The following COL5A2 variants were observed in gnomAD, a reference collection of about 807,000 sequenced individuals.
COL5A2 encodes the protein collagen alpha-2(V) chain.
Under a neutral mutation model 208.2 loss-of-function variants are expected in COL5A2, and 23 were observed. The ratio of observed to expected loss-of-function variants is 0.11; its 90% CI spans 0.08 to 0.16. COL5A2 has a LOEUF of 0.16. Among genes scored for constraint, COL5A2 ranks in the 10% least tolerant of loss-of-function variants. The pLI is 1.00. For synonymous variants in COL5A2, 625 were observed against 628.5 expected (o/e 0.99, Z 0.08); for missense variants, 1,590 against 1,956.4 (o/e 0.81, Z 3.53).
At chr2:189,270,052 T>A in the COL5A2 span, among the ~76,000 whole-genome samples, 1 of 152,186 alleles carries the variant, frequency 6.6e-6, no homozygotes, top group Non-Finnish European at 1.5e-5. Flanking sequence ...CTGATGGTAG[T>A]TTGTATTTCT....
At chr2:189,228,118 T>C (rs550875143), upstream of COL5A2, among the ~76,000 whole-genome samples, 3 of 151,826 alleles carry the variant, frequency 2.0e-5, no homozygotes, top group South Asian at 4.2e-4. Flanking sequence ...TTGAGACATA[T>C]AAAAATGAAA....
At chr2:189,055,882 AG>A (rs1685890880) in intron 35 of COL5A2, among the ~76,000 whole-genome samples, 1 of 152,238 alleles carries the variant, frequency 6.6e-6, no homozygotes, top group Non-Finnish European at 1.5e-5. Context: ...TCCTATAAAT[AG>A]TACTGCACTA....
the COL5A2 span, among the ~76,000 whole-genome samples, chr2:189,299,136 T>C: frequency 6.6e-6 from 1 of 152,190 alleles, no homozygotes; most frequent in East Asian, 1.9e-4. Context: ...CCCACAGTTA[T>C]TTGCATACAA....
At chr2:189,042,652 A>T in intron 49 of COL5A2, 68 bp downstream of exon 49, 1 of 1,446,906 alleles carries the variant, frequency 6.9e-7, no homozygotes, top group Non-Finnish European at 9.6e-7. Flanking sequence ...ACGATACTCA[A>T]GCATTAGCAG....
chr2:189,049,415 C>T lies in COL5A2; in HGVS notation c.3079G>A (p.Asp1027Asn), dbSNP rs1685736653. ...GKVGPTGATG[D>N]KGPPGPVGPP... is the part of the protein sequence containing the mutation. ...CCCACAGGTCCAGGTGGACCTTTAT[C>T]TCCTGTTGCACCAGTTGGTCCTACT... The change falls in exon 44 of 54, where the codon GAT becomes AAT. Residue 1027 changes from aspartate to asparagine, a missense_variant. Transcript: ENST00000374866. The T allele has an allele frequency of 6.2e-7, 1 of 1,613,670 alleles. No individual in the cohort carries two copies. The highest frequency in any genetic ancestry group is 1.3e-5 in the African/African-American group (1 of 75,052).
intron 46 of COL5A2, among the ~76,000 whole-genome samples, chr2:189,045,488 T>C (rs1420757358): frequency 1.3e-5 from 2 of 152,186 alleles, no homozygotes; most frequent in Non-Finnish European, 2.9e-5. Context: ...TGAATAAGTA[T>C]CACCTTAGTT....
At chr2:189,242,014 T>C in the COL5A2 span, among the ~76,000 whole-genome samples, 2 of 152,226 alleles carry the variant, frequency 1.3e-5, no homozygotes, top group South Asian at 4.1e-4. Flanking sequence ...ATCTGAAAAG[T>C]GCATGCTTGA....
the COL5A2 span, among the ~76,000 whole-genome samples, chr2:189,411,957 G>A: frequency 6.6e-6 from 1 of 152,170 alleles, no homozygotes; most frequent in African/African-American, 2.4e-5. Flanking sequence ...CTTTTCTATG[G>A]AAAGGGGCTT....
chr2:189,243,943 T>C, the COL5A2 span, among the ~76,000 whole-genome samples: 1 of 152,206 alleles, frequency 6.6e-6, no homozygotes, highest in Admixed American at 6.5e-5. Context: ...GCTTGCACCC[T>C]CTGAAGCCAC....
chr2:189,324,164 A>C, the COL5A2 span, among the ~76,000 whole-genome samples: 1 of 152,322 alleles, frequency 6.6e-6, no homozygotes, highest in South Asian at 2.1e-4. Flanking sequence ...CTTATACAAA[A>C]ATTCATTCAA....
chr2:189,406,252 A>G, the COL5A2 span, among the ~76,000 whole-genome samples: 2 of 152,166 alleles, frequency 1.3e-5, no homozygotes, highest in Non-Finnish European at 2.9e-5. Context: ...ATACTGCTGA[A>G]AACTTGAAAT....
the COL5A2 span, among the ~76,000 whole-genome samples, chr2:189,327,416 G>A: frequency 2.0e-5 from 3 of 152,128 alleles, no homozygotes; most frequent in South Asian, 6.2e-4. Context: ...GGAAAAGGGG[G>A]AGAAAGAAGA....
At chr2:189,047,498 A>T (rs546246364) in intron 45 of COL5A2, among the ~76,000 whole-genome samples, 1 of 152,308 alleles carries the variant, frequency 6.6e-6, no homozygotes, top group East Asian at 1.9e-4. Context: ...TGGCATATGT[A>T]TTAATTATAT....
At chr2:189,293,798 C>G in the COL5A2 span, among the ~76,000 whole-genome samples, 1 of 152,030 alleles carries the variant, frequency 6.6e-6, no homozygotes, top group Non-Finnish European at 1.5e-5. Context: ...TAAAAGCAAC[C>G]CAGAGGGCCA....
chr2:189,048,229 C>A lies in COL5A2; in HGVS notation c.3181G>T (p.Asp1061Tyr). The A allele has an allele frequency of 6.2e-7, 1 of 1,614,040 alleles. No homozygotes were observed. The highest frequency in any genetic ancestry group is 8.5e-7 in the Non-Finnish European group (1 of 1,179,946). The part of the protein sequence containing the change: ...PAGNDGTPGR[D>Y]GAVGERGDRG... ...CTTACACGTTCTCCAACAGCACCAT[C>A]CCGTCCTGGGGTACCATCATTGCCA... The change falls in exon 45 of 54, where the codon GAT becomes TAT. Residue 1061 changes from aspartate to tyrosine, a missense_variant. Asp to Tyr is a radical substitution (Grantham distance 160). Transcript: ENST00000374866.
At chr2:189,265,872 G>A in the COL5A2 span, among the ~76,000 whole-genome samples, 1 of 152,126 alleles carries the variant, frequency 6.6e-6, no homozygotes, top group South Asian at 2.1e-4. Flanking sequence ...CTGCTAGAAG[G>A]AATGTAAAAT....
chr2:189,071,921 G>T, intron 18 of COL5A2, 119 bp downstream of exon 18: 6 of 677,262 alleles, frequency 8.9e-6, no homozygotes, highest in South Asian at 1.9e-5. Context: ...CATACTCTAG[G>T]CTCTTTCCTT....
At chr2:189,062,722 A>G in intron 29 of COL5A2, 143 bp downstream of exon 29, 1 of 850,954 alleles carries the variant, frequency 1.2e-6, no homozygotes. Flanking sequence ...TCAAAAGAGA[A>G]GGTATAACAG....
the COL5A2 span, among the ~76,000 whole-genome samples, chr2:189,365,520 C>T: frequency 4.2e-4 from 64 of 152,330 alleles, no homozygotes; most frequent in African/African-American, 1.5e-3. Context: ...GTTCTATGGC[C>T]TTGGCTAGCT....
Sources: gnomAD v4.1 joint callset for allele counts (sites outside exome capture counted in the v4.1 genomes callset) on GRCh38, gnomAD v4.1.1 for gene constraint, MANE v1.5 for transcripts, NCBI Gene and HGNC (gene_info 2026-07-23, HGNC 2026-07-21) for gene names.